Variants in FAM83A observed in about 807,000 individuals in gnomAD.
FAM83A encodes protein FAM83A.
A neutral mutation model predicts 24.4 loss-of-function variants in FAM83A; 21 were observed. The ratio of observed to expected loss-of-function variants is 0.86; its 90% CI spans 0.61 to 1.24. The LOEUF (loss-of-function observed/expected upper bound fraction) is 1.24, where lower values mean the gene tolerates loss of function less well. FAM83A is among the 50% of genes most tolerant of loss of function. The pLI is 0.00. For synonymous variants in FAM83A, 270 were observed against 252.4 expected (o/e 1.07, Z -0.66); for missense variants, 617 against 579.8 (o/e 1.06, Z -0.66).
intron 2 of FAM83A, among the ~76,000 whole-genome samples, chr8:123,193,817 C>T (rs1164239949): frequency 6.6e-6 from 1 of 152,176 alleles, no homozygotes; most frequent in Non-Finnish European, 1.5e-5. Flanking sequence ...CTCTAGGCCT[C>T]CTTTATAAGG....
upstream of FAM83A, chr8:123,179,364 T>C (rs1434913349): frequency 6.6e-6 from 1 of 152,186 alleles, no homozygotes; most frequent in Non-Finnish European, 1.5e-5. Flanking sequence ...TCTTCTGCCA[T>C]ACAGTATGGG....
chr8:123,181,629 G>C (rs1332265726), upstream of FAM83A: 5 of 175,412 alleles, frequency 2.9e-5, no homozygotes, highest in African/African-American at 9.4e-5. Context: ...AAACTCCGCA[G>C]CTTTCTCACC....
At chr8:123,189,301 G>A (rs1478065616) in intron 1 of FAM83A, among the ~76,000 whole-genome samples, 6 of 152,202 alleles carry the variant, frequency 3.9e-5, no homozygotes, top group Admixed American at 3.9e-4. Context: ...CCACATCACA[G>A]AAAGTTGATT....
exon 4 of FAM83A, chr8:123,207,464 C>G: frequency 6.3e-7 from 1 of 1,588,910 alleles, no homozygotes; most frequent in Non-Finnish European, 8.6e-7. Context: ...CCCCGCGGCC[C>G]CACACCCGCC....
chr8:123,180,261 G>A (rs1043096175), upstream of FAM83A: 1 of 151,916 alleles, frequency 6.6e-6, no homozygotes, highest in Non-Finnish European at 1.5e-5. Flanking sequence ...TAGTTTAACA[G>A]GCAATGGGGA....
chr8:123,193,878 A>C, intron 2 of FAM83A, 146 bp from the exon 3 acceptor site: 2 of 985,504 alleles, frequency 2.0e-6, no homozygotes, highest in Non-Finnish European at 2.9e-6. Flanking sequence ...TCTCCTCCCA[A>C]AGGCCCCACC....
At chr8:123,191,599 A>G (rs910890873) in intron 1 of FAM83A, among the ~76,000 whole-genome samples, 4 of 152,126 alleles carry the variant, frequency 2.6e-5, no homozygotes, top group Non-Finnish European at 5.9e-5. Context: ...AGATGGTATC[A>G]GGACAGGCGC....
intron 2 of FAM83A, 127 bp from the exon 3 acceptor site, chr8:123,193,897 C>T (rs117401161): frequency 0.039 from 46,900 of 1,198,116 alleles, 1,164 homozygotes; most frequent in Non-Finnish European, 0.044. Flanking sequence ...CCTTCTAGTA[C>T]CGTCACCCTG....
At position 123,209,522 on chromosome 8, in the gene FAM83A, C is replaced by T; in HGVS notation, c.*1834C>T. On this transcript the variant is annotated 3_prime_UTR_variant, in exon 4 of 4. Transcript: ENST00000690554. This position sits in a 1 kb window ranked among gnomAD's most constrained non-coding sequence, Gnocchi z 4.7. ...ACCCAGCCCTGACCTTGTTGTTTCA[C>T]AGCTGACGGCTGAGATGAGGTTAGA... 2 of 1,614,210 alleles carry T rather than the reference C, an allele frequency of 1.2e-6. No homozygotes were observed. The highest frequency in any genetic ancestry group is 1.1e-5 in the South Asian group (1 of 91,080).
intron 3 of FAM83A, among the ~76,000 whole-genome samples, chr8:123,204,813 AG>A (rs1824486944): frequency 6.6e-6 from 1 of 150,862 alleles, no homozygotes. Context: ...TGTGATCAAA[AG>A]TATAAAAGCT....
intron 1 of FAM83A, among the ~76,000 whole-genome samples, chr8:123,190,422 A>C (rs1300463125): frequency 1.3e-5 from 2 of 148,948 alleles, no homozygotes; most frequent in African/African-American, 4.9e-5. Flanking sequence ...CTACCAGTCC[A>C]GCTAATTTTT....
chr8:123,183,084 G>A (rs1339813921), exon 1 of FAM83A: 2 of 1,613,868 alleles, frequency 1.2e-6, no homozygotes, highest in Admixed American at 1.7e-5. Flanking sequence ...CCCAGGCCAG[G>A]GAGCCCCCGT....
intron 3 of FAM83A, 97 bp downstream of exon 3, chr8:123,194,245 G>A (rs1004815940): frequency 2.4e-5 from 37 of 1,531,562 alleles, no homozygotes; most frequent in Non-Finnish European, 3.3e-5. Context: ...AACACCCCCA[G>A]CAGCTCCCAG....
At chr8:123,192,016 A>G (rs764932250) in intron 2 of FAM83A, 46 bp downstream of exon 2, 1 of 1,597,330 alleles carries the variant, frequency 6.3e-7, no homozygotes, top group South Asian at 1.1e-5. Context: ...ATTAGCCCAG[A>G]TAGGATAGTC....
At chr8:123,194,658 A>G (rs1192245984) in intron 3 of FAM83A, among the ~76,000 whole-genome samples, 1 of 152,022 alleles carries the variant, frequency 6.6e-6, no homozygotes, top group Non-Finnish European at 1.5e-5. Context: ...GAATTTTTGT[A>G]TATTTAGTAG....
At chr8:123,190,820 T>C (rs1367465649) in intron 1 of FAM83A, among the ~76,000 whole-genome samples, 2 of 152,124 alleles carry the variant, frequency 1.3e-5, no homozygotes, top group African/African-American at 4.8e-5. Flanking sequence ...GATGGCTTCA[T>C]TGTCAGGCAG....
chr8:123,207,148 C>A lies in FAM83A; in HGVS notation c.774-9C>A, dbSNP rs1824579100. Reference sequence around the variant, plus strand: ...CTCCTCCATCACTCTCTCTCCTCTTCCCCTCCAGCTTCACCTGGCTCTGCG... The same window carrying A: ...CTCCTCCATCACTCTCTCTCCTCTTACCCTCCAGCTTCACCTGGCTCTGCG... On this transcript the variant is annotated splice_polypyrimidine_tract_variant and intron_variant, in intron 3 of 3. Coordinates refer to ENST00000690554, the Ensembl canonical transcript of FAM83A. 2.3e-6 allele frequency: 3 copies of A among 1,321,384 alleles called. No homozygotes were observed. In the South Asian group the frequency reaches 3.7e-5, roughly 16 times the overall value. The allele number at this position is 1,321,384 out of a possible 1,614,324, so 81.9% of individuals were successfully genotyped here. A position where few individuals can be genotyped will look rare whatever the true frequency, so the allele number is the denominator to read the frequency against.
Position 123,209,505 on chromosome 8 carries a change from C to T in FAM83A, c.*1817C>T. The T allele has an allele frequency of 6.2e-7, 1 of 1,614,154 alleles. No individual in the cohort carries two copies. Among genetic ancestry groups the T allele is most frequent in the Non-Finnish European group, 8.5e-7 (1 of 1,180,038 alleles). ...TCCTGATGGCTTTCTGAACCCAGCC[C>T]TGACCTTGTTGTTTCACAGCTGACG... On this transcript the variant is annotated 3_prime_UTR_variant, in exon 4 of 4. Coordinates refer to ENST00000690554, the Ensembl canonical transcript of FAM83A. The surrounding 1 kb of genome is among the most constrained non-coding windows in gnomAD (Gnocchi z 4.7).
intron 3 of FAM83A, 46 bp downstream of exon 3, chr8:123,194,194 G>A (rs774743900): frequency 1.3e-5 from 21 of 1,609,252 alleles, no homozygotes; most frequent in East Asian, 2.2e-5. Flanking sequence ...GGAGAACAAG[G>A]GCTGAGTGAG....
Sources: gnomAD v4.1 joint callset for allele counts (sites outside exome capture counted in the v4.1 genomes callset) on GRCh38, gnomAD v4.1.1 for gene constraint, Gnocchi (gnomAD v3.1) non-coding constraint, MANE v1.5 for transcripts, NCBI Gene and HGNC (gene_info 2026-07-23, HGNC 2026-07-21) for gene names.